PTPRD: variants seen among roughly 807,000 people sequenced by gnomAD.
The protein encoded by PTPRD is receptor-type tyrosine-protein phosphatase delta.
A neutral mutation model predicts 214.5 loss-of-function variants in PTPRD; 34 were observed. That is an observed-to-expected ratio of 0.16 (90% CI 0.12 to 0.21). The LOEUF is 0.21. PTPRD is among the 10% of genes least tolerant of loss of function. The probability of loss-of-function intolerance (pLI) is 1.00; values close to 1 mark genes in which losing one functional copy is unlikely to be tolerated. For missense variants in PTPRD, 2,545 were observed against 2,398.7 expected, an observed-to-expected ratio of 1.06 and a Z score of -1.27; for synonymous variants, 1,128 against 845.7, an observed-to-expected ratio of 1.33 and a Z score of -5.79.
chr9:10,239,305 TAAAG>T (rs1262417813), intron 3 of PTPRD, among the ~76,000 whole-genome samples: 2 of 151,990 alleles, frequency 1.3e-5, no homozygotes, highest in Non-Finnish European at 2.9e-5. Flanking sequence ...ATAAATGTGA[TAAAG>T]TAAATCTGTA....
intron 11 of PTPRD, among the ~76,000 whole-genome samples, chr9:8,817,189 T>C (rs776171759): frequency 1.3e-5 from 2 of 152,240 alleles, no homozygotes; most frequent in South Asian, 2.1e-4. Flanking sequence ...CTCATGCTAG[T>C]TAAATTCACT....
At chr9:9,329,074 T>C (rs924301184) in intron 9 of PTPRD, among the ~76,000 whole-genome samples, 28 of 152,064 alleles carry the variant, frequency 1.8e-4, no homozygotes, top group African/African-American at 6.5e-4. Flanking sequence ...TAATGAACAG[T>C]GACTCTGGGA....
intron 5 of PTPRD, among the ~76,000 whole-genome samples, chr9:9,786,769 T>C (rs1211949996): frequency 6.6e-6 from 1 of 151,962 alleles, no homozygotes; most frequent in Non-Finnish European, 1.5e-5. Context: ...ACTTAAAGTA[T>C]AATAAAAAAA....
intron 10 of PTPRD, among the ~76,000 whole-genome samples, chr9:9,145,762 T>C (rs780585602): frequency 1.3e-5 from 2 of 152,156 alleles, no homozygotes; most frequent in Non-Finnish European, 2.9e-5. Flanking sequence ...TGGTCAGAGA[T>C]TGGGACTATG....
intron 11 of PTPRD, among the ~76,000 whole-genome samples, chr9:8,741,518 T>C (rs985575552): frequency 1.3e-5 from 2 of 150,006 alleles, no homozygotes; most frequent in Non-Finnish European, 3.0e-5. Context: ...TCCAGCCACT[T>C]TCCACTCAAA....
chr9:10,610,941 A>G (rs1351930151), intron 2 of PTPRD, among the ~76,000 whole-genome samples: 1 of 152,158 alleles, frequency 6.6e-6, no homozygotes, highest in Non-Finnish European at 1.5e-5. Context: ...ATCCCCCATG[A>G]ATACAGATGC....
At chr9:9,610,775 T>C (rs765460091) in intron 7 of PTPRD, among the ~76,000 whole-genome samples, 32 of 152,122 alleles carry the variant, frequency 2.1e-4, no homozygotes, top group Non-Finnish European at 3.5e-4. Context: ...TTGTAGGTGA[T>C]TGGAGGATAG....
At chr9:8,858,658 T>G (rs1172246613) in intron 11 of PTPRD, among the ~76,000 whole-genome samples, 1 of 146,832 alleles carries the variant, frequency 6.8e-6, no homozygotes, top group Non-Finnish European at 1.5e-5. Context: ...TGAGTGTGAG[T>G]GTGGGTGCGC....
intron 7 of PTPRD, among the ~76,000 whole-genome samples, chr9:9,632,724 T>G (rs924228237): frequency 3.9e-4 from 59 of 152,138 alleles, no homozygotes; most frequent in African/African-American, 1.4e-3. Flanking sequence ...ACCAGGTGGT[T>G]CAACAGGATG....
chr9:8,878,554 T>A (rs2098415361), intron 11 of PTPRD, among the ~76,000 whole-genome samples: 1 of 151,704 alleles, frequency 6.6e-6, no homozygotes, highest in Admixed American at 6.6e-5. Context: ...TGAGACAGAG[T>A]CTCACTGTGT....
intron 2 of PTPRD, among the ~76,000 whole-genome samples, chr9:10,601,437 C>A (rs2077946871): frequency 6.6e-6 from 1 of 151,740 alleles, no homozygotes; most frequent in Admixed American, 6.6e-5. Context: ...TACTGTCTTA[C>A]AGTTGCAAAT....
rs145754163 is a variant in PTPRD, at chr9:9,670,516, G to T, written c.-287+64017C>A. Among the ~76,000 whole-genome samples, 380 of 152,296 alleles carry T rather than the reference G, an allele frequency of 2.5e-3. 2 individuals carry two copies. The highest frequency in any genetic ancestry group is 8.6e-3 in the African/African-American group (356 of 41,564). On this transcript the variant is annotated intron_variant, in intron 7 of 45. Transcript: ENST00000381196. Reference sequence around the variant, plus strand: ...AATCCCCAAGACAATAAGGGAAAACGGAAAATGTCTCTAGGGAATATTAGA... The same window carrying T: ...AATCCCCAAGACAATAAGGGAAAACTGAAAATGTCTCTAGGGAATATTAGA...
chr9:9,701,411 T>A (rs1334721280), intron 7 of PTPRD, among the ~76,000 whole-genome samples: 1 of 152,154 alleles, frequency 6.6e-6, no homozygotes, highest in Non-Finnish European at 1.5e-5. Context: ...GGGGTCCAGA[T>A]AGAAACATAG....
chr9:9,837,607 C>A (rs892410981), intron 5 of PTPRD, among the ~76,000 whole-genome samples: 4 of 152,012 alleles, frequency 2.6e-5, no homozygotes, highest in African/African-American at 9.7e-5. Context: ...GACCTAGTTT[C>A]TTGGGGAAAT....
At chr9:8,486,407 C>A in intron 27 of PTPRD, 58 bp from the exon 28 acceptor site, 2 of 1,434,380 alleles carry the variant, frequency 1.4e-6, no homozygotes, top group South Asian at 1.1e-5. Context: ...ACATTTCAGT[C>A]ATTGCCAAAT....
At chr9:10,144,920 T>C (rs1460598066) in intron 3 of PTPRD, among the ~76,000 whole-genome samples, 1 of 152,048 alleles carries the variant, frequency 6.6e-6, no homozygotes. Context: ...TACAGCATTG[T>C]ACTATAACTC....
At chr9:8,641,914 A>C (rs1197194424) in intron 12 of PTPRD, among the ~76,000 whole-genome samples, 1 of 152,224 alleles carries the variant, frequency 6.6e-6, no homozygotes, top group Non-Finnish European at 1.5e-5. Context: ...CTCAATGTGC[A>C]CTTATAGCTA....
intron 37 of PTPRD, among the ~76,000 whole-genome samples, chr9:8,385,067 T>G (rs1187486039): frequency 1.3e-5 from 2 of 152,224 alleles, no homozygotes; most frequent in African/African-American, 4.8e-5. Context: ...AGGGTTTCTT[T>G]AGCCATGCAA....
chr9:9,954,308 A>AAC (rs1566685680), intron 4 of PTPRD, among the ~76,000 whole-genome samples: 1 of 140,030 alleles, frequency 7.1e-6, no homozygotes, highest in African/African-American at 2.6e-5. Context: ...AAAAAAAAAA[A>AAC]AAAAAAAAAA....
Sources: allele counts gnomAD v4.1 joint callset (sites outside exome capture counted in the v4.1 genomes callset), GRCh38; gene constraint gnomAD v4.1.1; transcripts MANE v1.5; gene names NCBI Gene and HGNC (gene_info 2026-07-23, HGNC 2026-07-21).